The following GRIN2D variants were observed in gnomAD, a reference collection of about 807,000 sequenced individuals.
GRIN2D encodes the protein glutamate ionotropic receptor NMDA type subunit 2D.
In GRIN2D, 37 loss-of-function variants were observed where a neutral mutation model predicts 103.2. The ratio of observed to expected loss-of-function variants is 0.36; its 90% confidence interval spans 0.28 to 0.47. GRIN2D has a LOEUF of 0.47. Ranked by LOEUF, GRIN2D falls within the 20% of genes least tolerant of loss-of-function variation. The pLI, the probability that GRIN2D is intolerant of heterozygous loss-of-function variation, is 1.00. For synonymous variants in GRIN2D, 845 were observed against 885.6 expected (o/e 0.95, Z 0.81); for missense variants, 1,557 against 1,910.6 (o/e 0.81, Z 3.45).
In GRIN2D at chr19:48,437,605, T is replaced by C. The variant is rs141812623; in HGVS notation, c.2253-4164T>C. On this transcript the variant is annotated intron_variant, in intron 11 of 13. Transcript: ENST00000263269. Reference sequence around the variant, plus strand: ...TTGACTTTTAGCTTTCTCCAAAATGTAACTTGAGTCTCTCCTTCCACTCCC... The same window carrying C: ...TTGACTTTTAGCTTTCTCCAAAATGCAACTTGAGTCTCTCCTTCCACTCCC... Among the ~76,000 whole-genome samples the C allele has an allele frequency of 1.1e-3, 162 of 152,284 alleles. 1 individual carries two copies. Among genetic ancestry groups the C allele is most frequent in the African/African-American group, 3.4e-3 (140 of 41,558 alleles).
rs1209687905 is a variant in GRIN2D, at chr19:48,413,980, C to G, written c.1086-11C>G. The G allele has an allele frequency of 6.6e-7, 1 of 1,513,938 alleles. No individual in the cohort carries two copies. Among genetic ancestry groups the G allele is most frequent in the Admixed American group, 1.7e-5 (1 of 59,902 alleles). The allele number at this position is 1,513,938 out of a possible 1,614,324, so 93.8% of individuals were successfully genotyped here. On this transcript the variant is annotated splice_polypyrimidine_tract_variant and intron_variant, in intron 4 of 13. Coordinates refer to ENST00000263269, the MANE Select transcript of GRIN2D (RefSeq NM_000836.4). ...GGCCCCAGCATGTCCCCTTTCCCTC[C>G]TCCTGGGCAGGTACTTCATGAACAT...
intron 11 of GRIN2D, among the ~76,000 whole-genome samples, chr19:48,423,513 G>A (rs1376759023): frequency 7.2e-5 from 11 of 152,084 alleles, no homozygotes; most frequent in Middle Eastern, 3.2e-3. Context: ...TGGGCTTCTC[G>A]GAGGAGGTGA....
At chr19:48,404,164 C>T (rs765240392) in intron 3 of GRIN2D, among the ~76,000 whole-genome samples, 4 of 151,064 alleles carry the variant, frequency 2.6e-5, no homozygotes, top group African/African-American at 7.3e-5. Flanking sequence ...TGCTTGAACC[C>T]GGGAGGCGGA....
intron 2 of GRIN2D, among the ~76,000 whole-genome samples, chr19:48,395,346 G>A (rs889159330): frequency 6.6e-6 from 1 of 151,504 alleles, no homozygotes; most frequent in Non-Finnish European, 1.5e-5. Flanking sequence ...AGAGCTATGA[G>A]TCTGCTATTA....
chr19:48,443,679 C>T lies in GRIN2D; in HGVS notation c.3753C>T (p.His1251=), dbSNP rs1971338962. 1.6e-6 allele frequency: 2 copies of T among 1,217,676 alleles called. No homozygotes were observed. The highest frequency in any genetic ancestry group is 2.0e-6 in the Non-Finnish European group (2 of 981,652). 75.4% of individuals were successfully genotyped at this position (1,217,676 alleles called of 1,614,324 possible). A position where few individuals can be genotyped will look rare whatever the true frequency, so the allele number is the denominator to read the frequency against. ...CCGCCGCCGCCGCGCCCCACCACCACAGGCACCGGCGCGCCGCTGGGGGCT... is the reference window on the plus strand; with the variant it reads ...CCGCCGCCGCCGCGCCCCACCACCATAGGCACCGGCGCGCCGCTGGGGGCT... ...RTPAAAAPHH[H]RHRRAAGGWD... The change falls in exon 14 of 14, where the codon CAC becomes CAT. Residue 1251 remains histidine (H), a synonymous_variant. Coordinates refer to ENST00000263269, the MANE Select transcript of GRIN2D (RefSeq NM_000836.4). This position sits in a 1 kb window ranked among gnomAD's most constrained non-coding sequence, Gnocchi z 8.9.
Position 48,430,478 on chromosome 19 carries a change from C to T in GRIN2D, c.2252+8533C>T, listed in dbSNP as rs550115187. On this transcript the variant is annotated intron_variant, in intron 11 of 13. Coordinates refer to ENST00000263269, the MANE Select transcript of GRIN2D (RefSeq NM_000836.4). ...CCTCCCAAAGTGCTACGATTACAGGCGGGAGCCATAGCTCCCAGCTGATAG... is the reference window on the plus strand; with the variant it reads ...CCTCCCAAAGTGCTACGATTACAGGTGGGAGCCATAGCTCCCAGCTGATAG... Among the ~76,000 whole-genome samples, 6 of 151,624 alleles carry T rather than the reference C, an allele frequency of 4.0e-5. No homozygotes were observed. In the South Asian group the frequency reaches 1.2e-3, roughly 31 times the overall value.
Position 48,412,429 on chromosome 19 carries a change from GA to G in GRIN2D, c.1086-1559del, listed in dbSNP as rs1413379707. On this transcript the variant is annotated intron_variant, in intron 4 of 13. Transcript: ENST00000263269. Reference sequence around the variant, plus strand: ...AAGAAAGAAAGAGAAAGAAAAGAAAGAAAGAAAGAAAGAAAGAAAGAAAGAA... The same window carrying G: ...AAGAAAGAAAGAGAAAGAAAAGAAAGAAGAAAGAAAGAAAGAAAGAAAGAA... Among the ~76,000 whole-genome samples the G allele has an allele frequency of 1.8e-4, 17 of 92,264 alleles. No individual in the cohort carries two copies. The South Asian group carries it at 4.5e-3, about 24-fold the overall frequency. 60.5% of individuals were successfully genotyped at this position (92,264 alleles called of 152,430 possible). A position where few individuals can be genotyped will look rare whatever the true frequency, so the allele number is the denominator to read the frequency against.
chr19:48,396,038 G>C (rs1280381211), intron 2 of GRIN2D, among the ~76,000 whole-genome samples: 1 of 152,184 alleles, frequency 6.6e-6, no homozygotes, highest in African/African-American at 2.4e-5. Flanking sequence ...GGAGGTAGGG[G>C]ATAGCGCTTC....
chr19:48,408,681 G>A (rs991422343), intron 4 of GRIN2D, among the ~76,000 whole-genome samples: 4 of 151,728 alleles, frequency 2.6e-5, no homozygotes, highest in African/African-American at 7.3e-5. Flanking sequence ...TTAGCCGGGC[G>A]TGGTGACAGG....
intron 10 of GRIN2D, among the ~76,000 whole-genome samples, chr19:48,420,623 C>T (rs1421341694): frequency 3.3e-5 from 5 of 151,926 alleles, no homozygotes; most frequent in Non-Finnish European, 2.9e-5. Context: ...GTCAGGAGTT[C>T]GAGACCAGCC....
intron 11 of GRIN2D, among the ~76,000 whole-genome samples, chr19:48,428,714 T>C (rs146511833): frequency 6.6e-6 from 1 of 152,280 alleles, no homozygotes; most frequent in Non-Finnish European, 1.5e-5. Flanking sequence ...GAGCCCACCT[T>C]AATGATCTCA....
chr19:48,430,949 A>G (rs1270605086), intron 11 of GRIN2D, among the ~76,000 whole-genome samples: 2 of 151,156 alleles, frequency 1.3e-5, no homozygotes, highest in Admixed American at 6.6e-5. Context: ...CCTCCCAAAT[A>G]GCTGGGATTA....
At chr19:48,402,166 A>AAGAAAGAAAGAAAGAAAGAAAGAAAGAG (rs748167336) in intron 3 of GRIN2D, among the ~76,000 whole-genome samples, 91 of 80,066 alleles carry the variant, frequency 1.1e-3, no homozygotes, top group Non-Finnish European at 1.6e-3. Context: ...GAAAGAAAGA[A>AAGAAAGAAAGAAAGAAAGAAAGAAAGAG]AGAGAGAAAA....
At position 48,443,955 on chromosome 19, in the gene GRIN2D, C is replaced by T; in HGVS notation, c.*18C>T. 1 of 1,376,960 alleles carries T rather than the reference C, an allele frequency of 7.3e-7. No homozygotes were observed. Among genetic ancestry groups the T allele is most frequent in the Non-Finnish European group, 9.4e-7 (1 of 1,063,596 alleles). 85.3% of individuals were successfully genotyped at this position (1,376,960 alleles called of 1,614,324 possible). ...AGGTATGACGCGGCCCCGGGGGCCCCACCGCCCCCTTGGTCAGCGCAGGCC... is the reference window on the plus strand; with the variant it reads ...AGGTATGACGCGGCCCCGGGGGCCCTACCGCCCCCTTGGTCAGCGCAGGCC... On this transcript the variant is annotated 3_prime_UTR_variant, in exon 14 of 14. Coordinates refer to ENST00000263269, the MANE Select transcript of GRIN2D (RefSeq NM_000836.4). The surrounding 1 kb of genome is among the most constrained non-coding windows in gnomAD (Gnocchi z 8.9).
At chr19:48,423,519 G>C (rs1971048321) in intron 11 of GRIN2D, among the ~76,000 whole-genome samples, 1 of 152,196 alleles carries the variant, frequency 6.6e-6, no homozygotes, top group Middle Eastern at 3.2e-3. Flanking sequence ...TCTCGGAGGA[G>C]GTGACATTTG....
At chr19:48,438,128 T>C (rs1971252247) in intron 11 of GRIN2D, among the ~76,000 whole-genome samples, 1 of 151,950 alleles carries the variant, frequency 6.6e-6, no homozygotes, top group Admixed American at 6.6e-5. Flanking sequence ...ACACACGGCA[T>C]TTATATGTGA....
chr19:48,414,264 G>T lies in GRIN2D; in HGVS notation c.1201-109G>T. On this transcript the variant is annotated intron_variant, in intron 5 of 13. Transcript: ENST00000263269. This position sits in a 1 kb window ranked among gnomAD's most constrained non-coding sequence, Gnocchi z 4.6. The stretch of plus-strand genomic sequence containing the variant: ...AAGGTGGGAGGGGCTCCTGGGTCTT[G>T]GAAGAAGCTGCTGCCCACACACCTA... 4.9e-6 allele frequency: 5 copies of T among 1,023,468 alleles called. No homozygotes were observed. In the Admixed American group the frequency reaches 1.0e-4, roughly 21 times the overall value. 63.4% of individuals were successfully genotyped at this position (1,023,468 alleles called of 1,614,324 possible).
chr19:48,442,274 C>T lies in GRIN2D; in HGVS notation c.2565C>T (p.Ala855=), dbSNP rs772735274. Residue 855 remains alanine, a synonymous_variant, in exon 13 of 14, where the codon GCC becomes GCT. Coordinates refer to ENST00000263269, the MANE Select transcript of GRIN2D (RefSeq NM_000836.4). The surrounding 1 kb of genome is among the most constrained non-coding windows in gnomAD (Gnocchi z 7.2). ...MAGVFYMLLV[A]MGLSLLVFAW... ...GCGTCTTCTACATGCTCCTGGTGGC[C>T]ATGGGCCTGTCCCTGCTGGTCTTCG... The T allele has an allele frequency of 1.2e-6, 2 of 1,614,178 alleles. No homozygotes were observed. The highest frequency in any genetic ancestry group is 3.3e-5 in the Admixed American group (2 of 60,028).
intron 4 of GRIN2D, among the ~76,000 whole-genome samples, chr19:48,408,463 C>T (rs1207788619): frequency 6.6e-6 from 1 of 151,856 alleles, no homozygotes; most frequent in South Asian, 2.1e-4. Flanking sequence ...CTCTTCACTG[C>T]AGTCCAGCCT....
Sources: gnomAD v4.1 joint callset for allele counts (sites outside exome capture counted in the v4.1 genomes callset) on GRCh38, gnomAD v4.1.1 for gene constraint, Gnocchi (gnomAD v3.1) non-coding constraint, MANE v1.5 for transcripts, NCBI Gene and HGNC (gene_info 2026-07-23, HGNC 2026-07-21) for gene names.